TTC21B: variants seen among roughly 807,000 people sequenced by gnomAD.
TTC21B encodes the protein tetratricopeptide repeat protein 21B.
In TTC21B, 127 loss-of-function variants were observed where a neutral mutation model predicts 175.1. The observed-to-expected ratio is 0.73, with a 90% CI of 0.63 to 0.84. The LOEUF (loss-of-function observed/expected upper bound fraction) is 0.84. Ranked by LOEUF, TTC21B falls within the 40% of genes least tolerant of loss-of-function variation. TTC21B has a pLI of 0.00. For synonymous variants in TTC21B, 524 were observed against 524.5 expected, an observed-to-expected ratio of 1.00 and a Z score of 0.01; for missense variants, 1,561 against 1,558.3, an observed-to-expected ratio of 1.00 and a Z score of -0.03.
chr2:165,873,717 T>A lies in TTC21B; in HGVS notation c.*1038A>T, dbSNP rs979224788. 1 of 152,186 alleles carries A rather than the reference T, an allele frequency of 6.6e-6. No homozygotes were observed. The highest frequency in any genetic ancestry group is 1.5e-5 in the Non-Finnish European group (1 of 68,038). The allele number at this position is 152,186 out of a possible 1,614,324, so 9.4% of individuals were successfully genotyped here. ...TAAGGGACCTATTTAAATTGAGGTT[T>A]CAGGACCTGATTATTTCTTAAGACC... On this transcript the variant is annotated 3_prime_UTR_variant, in exon 29 of 29. Coordinates refer to ENST00000243344, the MANE Select transcript of TTC21B (RefSeq NM_024753.5).
At chr2:165,930,732 G>GGGTGT (rs376602791) in intron 8 of TTC21B, among the ~76,000 whole-genome samples, 2 of 110,832 alleles carry the variant, frequency 1.8e-5, no homozygotes, top group Non-Finnish European at 4.1e-5. Context: ...TGGGTATGGG[G>GGGTGT]GTGTGTGTGT....
chr2:165,914,680 T>TGTACGTGCGCGCGCGCGC (rs1553511331), intron 15 of TTC21B, among the ~76,000 whole-genome samples: 3 of 144,228 alleles, frequency 2.1e-5, no homozygotes, highest in South Asian at 2.2e-4. Flanking sequence ...TGTGTGTGTG[T>TGTACGTGCGCGCGCGCGC]GTGTGTGTGT....
chr2:165,949,200 C>T (rs1000011119), intron 3 of TTC21B, 194 bp downstream of exon 3: 8 of 596,142 alleles, frequency 1.3e-5, no homozygotes, highest in Middle Eastern at 4.5e-4. Flanking sequence ...ATAAGGAACA[C>T]GAAAATAGTA....
chr2:165,919,510 T>C lies in TTC21B; in HGVS notation c.1517-77A>G, dbSNP rs188415298. ...ATCTGAGAGGGAAGAGGAAGAAGAG[T>C]GTTTAGTTTACGGATAGCCCTAGTG... is the stretch of plus-strand genomic sequence containing the variant. On this transcript the variant is annotated intron_variant, in intron 12 of 28. Coordinates refer to ENST00000243344, the MANE Select transcript of TTC21B (RefSeq NM_024753.5). The C allele has an allele frequency of 4.0e-5, 60 of 1,500,906 alleles. No individual in the cohort carries two copies. In the African/African-American group the frequency reaches 7.2e-4, roughly 18 times the overall value. The allele number at this position is 1,500,906 out of a possible 1,614,324, so 93.0% of individuals were successfully genotyped here. A position where few individuals can be genotyped will look rare whatever the true frequency, so the allele number is the denominator to read the frequency against.
intron 25 of TTC21B, among the ~76,000 whole-genome samples, chr2:165,887,684 ACT>A (rs1253903002): frequency 6.6e-6 from 1 of 151,856 alleles, no homozygotes; most frequent in East Asian, 1.9e-4. Flanking sequence ...CAAAACTCCG[ACT>A]CAAAAAAAAA....
chr2:165,910,986 T>C (rs1387434470), intron 18 of TTC21B, among the ~76,000 whole-genome samples: 2 of 152,152 alleles, frequency 1.3e-5, no homozygotes, highest in African/African-American at 4.8e-5. Context: ...TATTCTTTTA[T>C]AGAGCTTGAA....
chr2:165,920,120 G>C (rs1686331932), intron 12 of TTC21B, among the ~76,000 whole-genome samples: 1 of 152,136 alleles, frequency 6.6e-6, no homozygotes, highest in Non-Finnish European at 1.5e-5. Context: ...TTGATTCTAA[G>C]TCTTAGAAGT....
Position 165,924,651 on chromosome 2 carries a change from G to A in TTC21B, c.1414C>T (p.Pro472Ser). 1 of 1,613,616 alleles carries A rather than the reference G, an allele frequency of 6.2e-7. No homozygotes were observed. The highest frequency in any genetic ancestry group is 8.5e-7 in the Non-Finnish European group (1 of 1,179,746). The change falls in exon 12 of 29, where the codon CCA (proline) becomes TCA (serine). Residue 472 changes from proline to serine, a missense_variant. Coordinates refer to ENST00000243344, the MANE Select transcript of TTC21B (RefSeq NM_024753.5). ...ACTGAGATGCAACGCCTGAGAAGTG[G>A]ACAAAGAGGTTGCCCAGGACTTGCA... ...QPASPGQPLCPLLRRCISVLE... is the reference protein window; with the variant it reads ...QPASPGQPLCSLLRRCISVLE...
intron 3 of TTC21B, among the ~76,000 whole-genome samples, chr2:165,946,860 T>C (rs7609023): frequency 0.16 from 23,641 of 151,744 alleles, 2,181 homozygotes; most frequent in East Asian, 0.26. Flanking sequence ...ATGCACAATA[T>C]AGCTATAGAG....
intron 26 of TTC21B, among the ~76,000 whole-genome samples, chr2:165,881,138 T>C (rs1219712761): frequency 6.6e-6 from 1 of 152,148 alleles, no homozygotes; most frequent in Non-Finnish European, 1.5e-5. Flanking sequence ...TGAACCCTTA[T>C]CTTCAATAAT....
At position 165,949,453 on chromosome 2, in the gene TTC21B, T is replaced by G; in HGVS notation, c.203A>C (p.Asp68Ala). The change falls in exon 3 of 29, where the codon GAT becomes GCT. Residue 68 changes from aspartate (D) to alanine (A), a missense_variant. Coordinates refer to ENST00000243344, the MANE Select transcript of TTC21B (RefSeq NM_024753.5). The part of the protein sequence containing the change: ...REFEAIKNKQ[D>A]VSLCSLLALI... ...TGCAAGTAGAGAACAAAGTGATACA[T>G]CTTGTTTATTTTTAATAGCCTCAAA... is the stretch of plus-strand genomic sequence containing the variant. 2 of 1,613,862 alleles carry G rather than the reference T, an allele frequency of 1.2e-6. No homozygotes were observed. Among genetic ancestry groups the G allele is most frequent in the Non-Finnish European group, 1.7e-6 (2 of 1,179,862 alleles).
chr2:165,875,791 AT>A (rs2105275231), intron 28 of TTC21B, among the ~76,000 whole-genome samples: 1 of 151,274 alleles, frequency 6.6e-6, no homozygotes, highest in African/African-American at 2.4e-5. Context: ...TTTATTTAAC[AT>A]GTTTCTCCCA....
intron 22 of TTC21B, among the ~76,000 whole-genome samples, chr2:165,898,355 C>CAAGGCTTT (rs1401519253): frequency 1.3e-5 from 2 of 152,006 alleles, no homozygotes; most frequent in Non-Finnish European, 2.9e-5. Flanking sequence ...AAGTAGGTGG[C>CAAGGCTTT]AAGGCTTTTA....
At chr2:165,926,903 A>C (rs1230842921) in intron 11 of TTC21B, among the ~76,000 whole-genome samples, 1 of 149,714 alleles carries the variant, frequency 6.7e-6, no homozygotes, top group Non-Finnish European at 1.5e-5. Context: ...CGGCTTACAG[A>C]CAGCCTATTG....
intron 1 of TTC21B, 48 bp downstream of exon 1, chr2:165,953,637 A>G (rs1477249556): frequency 7.3e-7 from 1 of 1,369,786 alleles, no homozygotes; most frequent in Non-Finnish European, 9.6e-7. Flanking sequence ...GCCGCAAAGG[A>G]ACTCCGCCCG....
intron 27 of TTC21B, among the ~76,000 whole-genome samples, chr2:165,877,687 ATATG>A (rs1362302569): frequency 6.6e-6 from 1 of 152,172 alleles, no homozygotes; most frequent in African/African-American, 2.4e-5. Flanking sequence ...CTGCATATAT[ATATG>A]TGTGTATGTT....
In TTC21B at chr2:165,953,746, T is replaced by C. The variant is rs1687839485; in HGVS notation, c.-41A>G. ...GGGCCGCGGGGCTCTGGGGATTGTCTCGCCGCAGCCTAAAGGAAGACGCAG... is the reference window on the plus strand; with the variant it reads ...GGGCCGCGGGGCTCTGGGGATTGTCCCGCCGCAGCCTAAAGGAAGACGCAG... On this transcript the variant is annotated 5_prime_UTR_variant, in exon 1 of 29. Transcript: ENST00000243344. 1 of 1,546,810 alleles carries C rather than the reference T, an allele frequency of 6.5e-7. No homozygotes were observed. Among genetic ancestry groups the C allele is most frequent in the Non-Finnish European group, 8.7e-7 (1 of 1,145,604 alleles).
chr2:165,940,042 T>G (rs919683), intron 6 of TTC21B, among the ~76,000 whole-genome samples: 94,804 of 151,988 alleles, frequency 0.62, 29,881 homozygotes, highest in East Asian at 0.81. Flanking sequence ...TTCTGAACAC[T>G]TCACAACAGT....
intron 28 of TTC21B, among the ~76,000 whole-genome samples, 159 bp from the exon 29 acceptor site, chr2:165,874,991 T>C (rs1684618474): frequency 6.6e-6 from 1 of 152,204 alleles, no homozygotes; most frequent in Non-Finnish European, 1.5e-5. Context: ...AAATGTAACA[T>C]GATGACTCCT....
Sources: gnomAD v4.1 joint callset for allele counts (sites outside exome capture counted in the v4.1 genomes callset) on GRCh38, gnomAD v4.1.1 for gene constraint, MANE v1.5 for transcripts, NCBI Gene and HGNC (gene_info 2026-07-23, HGNC 2026-07-21) for gene names.